Variants in CSNK1G3 observed in about 807,000 individuals in gnomAD.
CSNK1G3 encodes casein kinase 1 gamma 3, also known as casein kinase I isoform gamma-3.
A neutral mutation model predicts 64.3 loss-of-function variants in CSNK1G3; 23 were observed. The ratio of observed to expected loss-of-function variants is 0.36; its 90% CI spans 0.26 to 0.51. The LOEUF (loss-of-function observed/expected upper bound fraction) is 0.51. Ranked by LOEUF, CSNK1G3 falls within the 20% of genes least tolerant of loss-of-function variation. The pLI, the probability that CSNK1G3 is intolerant of heterozygous loss-of-function variation, is 0.96. For synonymous variants in CSNK1G3, 158 were observed against 162.2 expected (o/e 0.97, Z 0.20); for missense variants, 357 against 510.5 (o/e 0.70, Z 2.90).
intron 10 of CSNK1G3, among the ~76,000 whole-genome samples, chr5:123,595,405 G>A (rs1335857815): frequency 6.6e-6 from 1 of 152,044 alleles, no homozygotes; most frequent in Non-Finnish European, 1.5e-5. Flanking sequence ...AAAACAAACG[G>A]TATTATGCTT....
At chr5:123,524,409 G>A (rs901669110) in intron 1 of CSNK1G3, among the ~76,000 whole-genome samples, 4 of 152,162 alleles carry the variant, frequency 2.6e-5, no homozygotes, top group Non-Finnish European at 5.9e-5. Context: ...ATGCCAAAGC[G>A]CCTACAGGCA....
chr5:123,567,052 A>C (rs997799816), intron 4 of CSNK1G3, among the ~76,000 whole-genome samples: 22 of 152,214 alleles, frequency 1.4e-4, no homozygotes, highest in Non-Finnish European at 4.4e-5. Flanking sequence ...GGGAGGCCTC[A>C]CAATCATGGC....
At chr5:123,606,467 C>G (rs1160949996) in intron 12 of CSNK1G3, among the ~76,000 whole-genome samples, 1 of 152,094 alleles carries the variant, frequency 6.6e-6, no homozygotes, top group Non-Finnish European at 1.5e-5. Flanking sequence ...CCTGTTTCTG[C>G]CACTTATTTG....
rs923382051 is a variant in CSNK1G3 at position 123,547,202 on chromosome 5, C to T, written c.178+1361C>T. ...CTTATGGAACAGATAAGTCATTTAA[C>T]CACTCAGGGCTTCACGTTTTTCTTT... On this transcript the variant is annotated intron_variant, in intron 2 of 12. Transcript: ENST00000345990. Among the ~76,000 whole-genome samples, 4 of 152,178 alleles carry T rather than the reference C, an allele frequency of 2.6e-5. No individual in the cohort carries two copies. In the East Asian group the frequency reaches 7.7e-4, roughly 29 times the overall value.
intron 11 of CSNK1G3, 143 bp downstream of exon 12, chr5:123,604,973 A>T: frequency 1.6e-6 from 1 of 623,066 alleles, no homozygotes; most frequent in African/African-American, 1.9e-5. Flanking sequence ...TAATTATTTT[A>T]ATCACTAGAA....
intron 1 of CSNK1G3, among the ~76,000 whole-genome samples, chr5:123,526,685 G>A (rs1195210825): frequency 6.6e-6 from 1 of 151,910 alleles, no homozygotes; most frequent in Non-Finnish European, 1.5e-5. Context: ...TTTTGATTCT[G>A]GCTTCTTTCA....
intron 1 of CSNK1G3, among the ~76,000 whole-genome samples, chr5:123,540,166 C>A (rs1268992104): frequency 6.6e-6 from 1 of 151,874 alleles, no homozygotes; most frequent in Admixed American, 6.6e-5. Context: ...TTGACACTTT[C>A]TTCTGCTTTA....
chr5:123,576,889 C>T (rs2150751807), intron 6 of CSNK1G3, among the ~76,000 whole-genome samples: 1 of 152,218 alleles, frequency 6.6e-6, no homozygotes, highest in East Asian at 1.9e-4. Context: ...GATTTTCTAA[C>T]TCCATTATTT....
At chr5:123,522,515 G>GA (rs941919368) in intron 1 of CSNK1G3, among the ~76,000 whole-genome samples, 44 of 134,228 alleles carry the variant, frequency 3.3e-4, no homozygotes, top group African/African-American at 4.8e-4. Context: ...AAAAAAAAAA[G>GA]AAAAAAAAAA....
chr5:123,597,744 A>G (rs1026118200), intron 10 of CSNK1G3, among the ~76,000 whole-genome samples: 2 of 152,172 alleles, frequency 1.3e-5, no homozygotes, highest in African/African-American at 4.8e-5. Context: ...TGATGTTGCA[A>G]TTAAGAGCTT....
intron 1 of CSNK1G3, among the ~76,000 whole-genome samples, chr5:123,525,163 C>G (rs1778817509): frequency 1.3e-5 from 2 of 151,268 alleles, no homozygotes; most frequent in African/African-American, 4.9e-5. Flanking sequence ...TATTTCCTGC[C>G]TTTAGCACAT....
chr5:123,557,746 A>G (rs1256682551), intron 4 of CSNK1G3, among the ~76,000 whole-genome samples, 182 bp downstream of exon 4: 2 of 152,024 alleles, frequency 1.3e-5, no homozygotes. Context: ...GGAGCTTTTT[A>G]TGTTTATGCT....
chr5:123,576,598 C>T (rs934162425), intron 6 of CSNK1G3, among the ~76,000 whole-genome samples: 2 of 152,184 alleles, frequency 1.3e-5, no homozygotes, highest in East Asian at 1.9e-4. Flanking sequence ...CTCAGTCGTT[C>T]GTTATGGCTC....
At chr5:123,534,817 A>G (rs1780524432) in intron 1 of CSNK1G3, among the ~76,000 whole-genome samples, 1 of 152,120 alleles carries the variant, frequency 6.6e-6, no homozygotes, top group African/African-American at 2.4e-5. Flanking sequence ...ACTGCGAGAT[A>G]ATGTTTGTGT....
intron 2 of CSNK1G3, among the ~76,000 whole-genome samples, chr5:123,546,757 A>G (rs1193429244): frequency 6.6e-6 from 1 of 152,134 alleles, no homozygotes; most frequent in Admixed American, 6.6e-5. Flanking sequence ...TATGTATTCA[A>G]CTACTTCTTC....
intron 1 of CSNK1G3, among the ~76,000 whole-genome samples, chr5:123,544,883 T>C (rs1782265578): frequency 6.6e-6 from 1 of 152,152 alleles, no homozygotes; most frequent in South Asian, 2.1e-4. Context: ...ATGTTCTTGA[T>C]ATTGTCAGTT....
intron 1 of CSNK1G3, among the ~76,000 whole-genome samples, chr5:123,530,206 A>C (rs1779705012): frequency 6.6e-6 from 1 of 152,152 alleles, no homozygotes; most frequent in South Asian, 2.1e-4. Flanking sequence ...TGAGAATAGA[A>C]GGCATAAAAA....
At chr5:123,578,986 A>G (rs143617264) in intron 6 of CSNK1G3, among the ~76,000 whole-genome samples, 2 of 152,170 alleles carry the variant, frequency 1.3e-5, no homozygotes, top group East Asian at 3.9e-4. Context: ...CTTACAACAG[A>G]TAGACAGAAA....
intron 1 of CSNK1G3, among the ~76,000 whole-genome samples, chr5:123,537,531 A>G (rs971694673): frequency 1.1e-4 from 17 of 152,148 alleles, no homozygotes; most frequent in Admixed American, 3.9e-4. Context: ...TATGCAATCT[A>G]TGTATGTAAC....
Sources: gnomAD v4.1 joint callset for allele counts (sites outside exome capture counted in the v4.1 genomes callset) on GRCh38, gnomAD v4.1.1 for gene constraint, MANE v1.5 for transcripts, NCBI Gene and HGNC (gene_info 2026-07-23, HGNC 2026-07-21) for gene names.